AFAP1: variants seen among roughly 807,000 people sequenced by gnomAD.
The protein encoded by AFAP1 is actin filament-associated protein 1.
Under a neutral mutation model 93.9 loss-of-function variants are expected in AFAP1, and 75 were observed. The ratio of observed to expected loss-of-function variants is 0.80; its 90% CI spans 0.66 to 0.97. The LOEUF (loss-of-function observed/expected upper bound fraction) is 0.97, where lower values mean the gene tolerates loss of function less well. Ranked by LOEUF, AFAP1 falls within the 50% of genes least tolerant of loss-of-function variation. The probability of loss-of-function intolerance (pLI) is 0.00; values close to 1 mark genes in which losing one functional copy is unlikely to be tolerated. For synonymous variants in AFAP1, 517 were observed against 430.7 expected (o/e 1.20, Z -2.48); for missense variants, 1,201 against 1,050.8 (o/e 1.14, Z -1.98).
At position 7,768,919 on chromosome 4, in the gene AFAP1, G is replaced by A. The variant is rs774726162; in HGVS notation, c.2343C>T (p.Ser781=). 1.2e-5 allele frequency: 19 copies of A among 1,613,640 alleles called. No individual in the cohort carries two copies. The Admixed American group carries it at 1.8e-4, about 16-fold the overall frequency. The change falls in exon 17 of 18, where the codon AGC becomes AGT. Residue 781 remains serine, a synonymous_variant. Coordinates refer to ENST00000420658, the MANE Select transcript of AFAP1 (RefSeq NM_001134647.2). ...SDTEGPVPVN[S]AAVLKKSQAA... ...CCTGGCTCTTCTTCAAGACGGCCGC[G>A]CTGTTCACCGGCACGGGGCCCTCGG...
At chr4:7,864,167 A>ATTCCCAACTTCCCAT (rs1577313455) in intron 3 of AFAP1, among the ~76,000 whole-genome samples, 22 of 125,824 alleles carry the variant, frequency 1.7e-4, no homozygotes, top group South Asian at 5.4e-4. Context: ...ATCACAACCC[A>ATTCCCAACTTCCCAT]CAGGTCCTTT....
At chr4:7,822,289 C>G (rs750423471) in intron 6 of AFAP1, among the ~76,000 whole-genome samples, 1 of 152,090 alleles carries the variant, frequency 6.6e-6, no homozygotes, top group Admixed American at 6.5e-5. Flanking sequence ...CTCAATAACA[C>G]GCACAAAATA....
chr4:7,787,745 C>T (rs933685351), intron 11 of AFAP1, among the ~76,000 whole-genome samples: 7 of 152,300 alleles, frequency 4.6e-5, no homozygotes, highest in Admixed American at 3.3e-4. Flanking sequence ...CGCCCAACAC[C>T]CCCAGGGGCT....
In AFAP1 at chr4:7,786,201, T is replaced by C. The variant is rs750990205; in HGVS notation, c.1523A>G (p.Asn508Ser). ...CAAAAAAAGGGCACTCACCGAGCCG[T>C]TGATGCACGGGACATCGTCATAATG... ...ALHYDDVPCI[N>S]GSWEPEDGFP... The change falls in exon 12 of 18, where the codon AAC becomes AGC. Residue 508 changes from asparagine to serine, a missense_variant. Physicochemically the swap from Asn to Ser is conservative, Grantham distance 46. Transcript: ENST00000420658. 1.2e-5 allele frequency: 19 copies of C among 1,613,504 alleles called. No individual in the cohort carries two copies. The highest frequency in any genetic ancestry group is 8.8e-5 in the South Asian group (8 of 91,002).
chr4:7,898,095 T>C (rs1030776574), intron 1 of AFAP1, among the ~76,000 whole-genome samples: 7 of 152,158 alleles, frequency 4.6e-5, no homozygotes, highest in African/African-American at 1.7e-4. Context: ...GCCTTCATCA[T>C]AGTGCTCTGG....
In AFAP1 at chr4:7,761,379, G is replaced by A. The variant is rs1204319973; in HGVS notation, c.*2386C>T. On this transcript the variant is annotated 3_prime_UTR_variant, in exon 18 of 18. Transcript: ENST00000420658. ...GTTGTGGATGTGAATTACAAACCTG[G>A]GTTTTTACAACAAAATATGCATGCT... 2 of 152,236 alleles carry A rather than the reference G, an allele frequency of 1.3e-5. No individual in the cohort carries two copies. The highest frequency in any genetic ancestry group is 1.5e-5 in the Non-Finnish European group (1 of 68,046). The allele number at this position is 152,236 out of a possible 1,614,324, so 9.4% of individuals were successfully genotyped here.
chr4:7,811,119 C>A (rs1265496828), intron 8 of AFAP1, among the ~76,000 whole-genome samples: 1 of 152,216 alleles, frequency 6.6e-6, no homozygotes, highest in Non-Finnish European at 1.5e-5. Context: ...TGAGGGGAGG[C>A]CGGCGAGGCG....
At chr4:7,785,206 C>T (rs1717148270) in intron 12 of AFAP1, among the ~76,000 whole-genome samples, 1 of 152,184 alleles carries the variant, frequency 6.6e-6, no homozygotes, top group Non-Finnish European at 1.5e-5. Flanking sequence ...GAGTAACAGG[C>T]AGACACCGTA....
chr4:7,857,025 C>T (rs1715148892), intron 3 of AFAP1, among the ~76,000 whole-genome samples: 1 of 152,226 alleles, frequency 6.6e-6, no homozygotes, highest in South Asian at 2.1e-4. Context: ...AACACCACGT[C>T]TGCCTGCTAA....
chr4:7,871,929 G>A, intron 2 of AFAP1, 23 bp downstream of exon 2: 1 of 1,612,834 alleles, frequency 6.2e-7, no homozygotes, highest in South Asian at 1.1e-5. Flanking sequence ...AGAAGGAAAA[G>A]CAGGCGTCAG....
intron 1 of AFAP1, among the ~76,000 whole-genome samples, chr4:7,905,806 T>G (rs1449756784): frequency 6.6e-6 from 1 of 152,184 alleles, no homozygotes; most frequent in Non-Finnish European, 1.5e-5. Flanking sequence ...AGAAAAGAAC[T>G]TGGCATCCAT....
At chr4:7,873,260 A>AC (rs1553850251) in intron 1 of AFAP1, among the ~76,000 whole-genome samples, 1 of 146,006 alleles carries the variant, frequency 6.8e-6, no homozygotes, top group Non-Finnish European at 1.5e-5. Context: ...AAAAAAAAAA[A>AC]ACCCCACTTT....
intron 6 of AFAP1, among the ~76,000 whole-genome samples, chr4:7,835,940 T>C (rs1391563696): frequency 1.3e-5 from 2 of 152,094 alleles, no homozygotes; most frequent in Non-Finnish European, 2.9e-5. Context: ...TAAACTAATT[T>C]TGGAGCGCTA....
chr4:7,904,621 G>C lies in AFAP1; in HGVS notation c.-2-32541C>G, dbSNP rs142983726. Among the ~76,000 whole-genome samples the C allele has an allele frequency of 7.7e-3, 1,177 of 152,258 alleles. 22 individuals carry two copies. The highest frequency in any genetic ancestry group is 0.027 in the African/African-American group (1,125 of 41,546). ...GAGGCATAGAAAGATTAAGTAAGTT[G>C]TCCATGGTCACAGGTTATTTAGTAA... On this transcript the variant is annotated intron_variant, in intron 1 of 17. Coordinates refer to ENST00000420658, the MANE Select transcript of AFAP1 (RefSeq NM_001134647.2).
At chr4:7,802,893 C>T (rs576059242) in intron 9 of AFAP1, among the ~76,000 whole-genome samples, 1 of 152,124 alleles carries the variant, frequency 6.6e-6, no homozygotes, top group Non-Finnish European at 1.5e-5. Flanking sequence ...TTGTGATCCA[C>T]CCGCCTCGGC....
intron 10 of AFAP1, among the ~76,000 whole-genome samples, chr4:7,795,234 A>G (rs1718287514): frequency 6.6e-6 from 1 of 152,090 alleles, no homozygotes; most frequent in Admixed American, 6.5e-5. Context: ...CCATATACAC[A>G]ATGAGGCCAT....
At chr4:7,894,738 A>G (rs1410500552) in intron 1 of AFAP1, among the ~76,000 whole-genome samples, 4 of 152,292 alleles carry the variant, frequency 2.6e-5, no homozygotes, top group Middle Eastern at 3.4e-3. Context: ...TAGGTCTGAA[A>G]TGAGGCTCTT....
chr4:7,897,822 CACCGCA>C (rs1718878325), intron 1 of AFAP1, among the ~76,000 whole-genome samples: 1 of 152,130 alleles, frequency 6.6e-6, no homozygotes, highest in African/African-American at 2.4e-5. Flanking sequence ...AGGCATGAGC[CACCGCA>C]CCCAGGCAAC....
chr4:7,914,453 C>A (rs756011350), intron 1 of AFAP1, among the ~76,000 whole-genome samples: 1 of 152,272 alleles, frequency 6.6e-6, no homozygotes, highest in Admixed American at 6.5e-5. Flanking sequence ...GTTCCACCCA[C>A]GTTGCTGAGA....
Sources: allele counts gnomAD v4.1 joint callset (sites outside exome capture counted in the v4.1 genomes callset), GRCh38; gene constraint gnomAD v4.1.1; transcripts MANE v1.5; gene names NCBI Gene and HGNC (gene_info 2026-07-23, HGNC 2026-07-21).